Variants in EFCAB11 observed in about 807,000 individuals in gnomAD.
EFCAB11 encodes EF-hand calcium binding domain 11, also known as EF-hand calcium-binding domain-containing protein 11.
In EFCAB11, 14 loss-of-function variants were observed where a neutral mutation model predicts 23.0. The ratio of observed to expected loss-of-function variants is 0.61; its 90% CI spans 0.40 to 0.95. EFCAB11 has a LOEUF of 0.95. Among genes scored for constraint, EFCAB11 ranks in the 40% least tolerant of loss-of-function variants. EFCAB11 has a pLI of 0.00. For missense variants in EFCAB11, 198 were observed against 195.8 expected (o/e 1.01, Z -0.07); for synonymous variants, 65 against 66.6 (o/e 0.98, Z 0.11).
At chr14:89,842,093 C>T (rs1887287625) in intron 5 of EFCAB11, among the ~76,000 whole-genome samples, 1 of 152,154 alleles carries the variant, frequency 6.6e-6, no homozygotes, top group Non-Finnish European at 1.5e-5. Flanking sequence ...GCCTACCTAT[C>T]CTTCCCTCTA....
rs1891305567 is a variant in EFCAB11, at chr14:89,953,927, C to T, written c.150G>A (p.Leu50=). 6.2e-7 allele frequency: 1 copy of T among 1,613,572 alleles called. No individual in the cohort carries two copies. The highest frequency in any genetic ancestry group is 1.7e-5 in the Admixed American group (1 of 60,004). ...CTACCTTGGAGGGCTTGTACCCAAA[C>T]AGCATTACAACAGCAGTTTTAAAGT... The part of the protein sequence containing the change: ...REDFKTAVVM[L]FGYKPSKIEV... Residue 50 remains leucine, a synonymous_variant, in exon 2 of 6, where the codon CTG becomes CTA. Coordinates refer to ENST00000316738, the MANE Select transcript of EFCAB11 (RefSeq NM_145231.4).
intron 5 of EFCAB11, among the ~76,000 whole-genome samples, chr14:89,810,431 TTATAA>T (rs1886114272): frequency 6.6e-6 from 1 of 152,240 alleles, no homozygotes; most frequent in African/African-American, 2.4e-5. Context: ...TCAAATGGAC[TTATAA>T]TAAATTATTT....
At chr14:89,827,533 G>A (rs944605029) in intron 5 of EFCAB11, among the ~76,000 whole-genome samples, 2 of 151,600 alleles carry the variant, frequency 1.3e-5, no homozygotes. Flanking sequence ...ACCATGCAGA[G>A]TATAGAAGGG....
At chr14:89,910,199 C>T (rs929763510) in intron 5 of EFCAB11, among the ~76,000 whole-genome samples, 1 of 152,202 alleles carries the variant, frequency 6.6e-6, no homozygotes, top group African/African-American at 2.4e-5. Flanking sequence ...AGGGAAAGAT[C>T]TCTCTTACAG....
intron 5 of EFCAB11, among the ~76,000 whole-genome samples, chr14:89,889,430 C>G (rs1415426976): frequency 6.6e-6 from 1 of 152,140 alleles, no homozygotes; most frequent in Non-Finnish European, 1.5e-5. Context: ...GAGGATGAAA[C>G]GAGTAAAGGG....
At chr14:89,902,018 C>CCT (rs57157975) in intron 5 of EFCAB11, among the ~76,000 whole-genome samples, 48,517 of 151,806 alleles carry the variant, frequency 0.32, 11,937 homozygotes, top group African/African-American at 0.68. Context: ...GGCTACTCAC[C>CCT]GTCATATAAA....
At chr14:89,927,875 C>T (rs187043343) in intron 5 of EFCAB11, among the ~76,000 whole-genome samples, 2 of 152,258 alleles carry the variant, frequency 1.3e-5, no homozygotes, top group Admixed American at 1.3e-4. Context: ...GCGCCCACCA[C>T]CACGCCCAGC....
chr14:89,857,505 G>C (rs1335501454), intron 5 of EFCAB11, among the ~76,000 whole-genome samples: 1 of 70,014 alleles, frequency 1.4e-5, no homozygotes, highest in Non-Finnish European at 4.1e-5. Context: ...TACTGACCTG[G>C]TCTTTCTTTT....
chr14:89,912,694 A>G (rs1421930197), intron 5 of EFCAB11, among the ~76,000 whole-genome samples: 1 of 152,244 alleles, frequency 6.6e-6, no homozygotes, highest in African/African-American at 2.4e-5. Flanking sequence ...GCGACGAAAG[A>G]TAAAAACTTG....
At chr14:89,886,544 AG>A (rs139127782) in intron 5 of EFCAB11, among the ~76,000 whole-genome samples, 1,707 of 17,544 alleles carry the variant, frequency 0.097, 303 homozygotes, top group African/African-American at 0.3. Flanking sequence ...AAAAAAAAAA[AG>A]GAAAGTGATC....
At chr14:89,861,940 T>C (rs530568085) in intron 5 of EFCAB11, among the ~76,000 whole-genome samples, 3 of 152,294 alleles carry the variant, frequency 2.0e-5, no homozygotes, top group South Asian at 2.1e-4. Context: ...CAACAAAAAA[T>C]TGACAGAGAC....
chr14:89,916,722 G>A (rs1396766645), intron 5 of EFCAB11, among the ~76,000 whole-genome samples: 1 of 152,202 alleles, frequency 6.6e-6, no homozygotes. Flanking sequence ...GAGAGAACAA[G>A]AGTGAGACCC....
chr14:89,833,168 A>G (rs568337770), intron 5 of EFCAB11: 5 of 151,014 alleles, frequency 3.3e-5, no homozygotes, highest in African/African-American at 9.6e-5. Flanking sequence ...TGGACCGACA[A>G]GAGTTTTCCC....
chr14:89,896,339 G>A (rs1478511287), intron 5 of EFCAB11, among the ~76,000 whole-genome samples: 4 of 151,948 alleles, frequency 2.6e-5, no homozygotes, highest in Non-Finnish European at 4.4e-5. Flanking sequence ...GCAGTGAGCC[G>A]AGATCGTGCC....
At chr14:89,857,318 A>T (rs1328272887) in intron 5 of EFCAB11, among the ~76,000 whole-genome samples, 1 of 152,240 alleles carries the variant, frequency 6.6e-6, no homozygotes, top group Admixed American at 6.5e-5. Flanking sequence ...TGGCAAACAG[A>T]TACAGACCAA....
intron 3 of EFCAB11, among the ~76,000 whole-genome samples, chr14:89,943,453 G>A (rs575245799): frequency 6.3e-4 from 95 of 151,792 alleles, no homozygotes; most frequent in African/African-American, 1.7e-3. Flanking sequence ...TGTTGCTCTC[G>A]CTGGTCTCAA....
chr14:89,852,639 C>T (rs900629134), intron 5 of EFCAB11, among the ~76,000 whole-genome samples: 2 of 152,146 alleles, frequency 1.3e-5, no homozygotes, highest in Non-Finnish European at 2.9e-5. Flanking sequence ...GAAAACTTAA[C>T]GACCACTGGG....
intron 2 of EFCAB11, chr14:89,952,534 C>A: frequency 1.0e-6 from 1 of 985,426 alleles, no homozygotes; most frequent in East Asian, 1.1e-4. Context: ...TCTCTGAGCT[C>A]CATAATAAGC....
intron 5 of EFCAB11, among the ~76,000 whole-genome samples, chr14:89,911,988 G>A (rs1476604188): frequency 6.6e-6 from 1 of 152,170 alleles, no homozygotes; most frequent in Non-Finnish European, 1.5e-5. Flanking sequence ...ACTAAGGCAA[G>A]CTGAGATACT....
Sources: allele counts gnomAD v4.1 joint callset (sites outside exome capture counted in the v4.1 genomes callset), GRCh38; gene constraint gnomAD v4.1.1; transcripts MANE v1.5; gene names NCBI Gene and HGNC (gene_info 2026-07-23, HGNC 2026-07-21).